IFT25: variants seen among roughly 807,000 people sequenced by gnomAD.
The protein encoded by IFT25 is intraflagellar transport 25, also known as intraflagellar transport protein 25 homolog.
At chr1:53,924,843 C>T in the IFT25 span, among the ~76,000 whole-genome samples, 1 of 152,136 alleles carries the variant, frequency 6.6e-6, no homozygotes, top group Non-Finnish European at 1.5e-5. Flanking sequence ...TCTCAAAAAA[C>T]AACAACAACA....
the IFT25 span, among the ~76,000 whole-genome samples, chr1:53,931,043 A>G: frequency 6.6e-5 from 10 of 152,342 alleles, no homozygotes; most frequent in African/African-American, 1.9e-4. Context: ...CAATACTCCA[A>G]TGAAAATACA....
chr1:53,917,319 C>T, the IFT25 span, among the ~76,000 whole-genome samples: 1 of 152,164 alleles, frequency 6.6e-6, no homozygotes, highest in East Asian at 1.9e-4. Context: ...TATAAAGGCT[C>T]TGCTTAAATA....
the IFT25 span, among the ~76,000 whole-genome samples, chr1:53,912,823 AAC>A: frequency 6.6e-6 from 1 of 152,228 alleles, no homozygotes; most frequent in Admixed American, 6.5e-5. Context: ...GGCTTGCTGC[AAC>A]ACAGATTCTT....
chr1:53,940,810 A>C, the IFT25 span, among the ~76,000 whole-genome samples: 1 of 152,128 alleles, frequency 6.6e-6, no homozygotes, highest in Middle Eastern at 3.4e-3. Context: ...CCAGGGCTCA[A>C]GTGATCCTCC....
the IFT25 span, among the ~76,000 whole-genome samples, chr1:53,944,800 C>T: frequency 6.6e-6 from 1 of 152,138 alleles, no homozygotes; most frequent in African/African-American, 2.4e-5. Flanking sequence ...TCCCTGATGC[C>T]TTATCCTGTC....
chr1:53,942,379 TTC>T, the IFT25 span, among the ~76,000 whole-genome samples: 7 of 152,214 alleles, frequency 4.6e-5, no homozygotes, highest in Non-Finnish European at 8.8e-5. Context: ...AATCAAAATA[TTC>T]TGTGACACAC....
At chr1:53,945,606 C>A in the IFT25 span, 1 of 152,942 alleles carries the variant, frequency 6.5e-6, no homozygotes, top group Non-Finnish European at 1.5e-5. Flanking sequence ...CGAAACCTCC[C>A]TTGCGCCCCG....
the IFT25 span, among the ~76,000 whole-genome samples, chr1:53,912,004 T>A: frequency 6.6e-6 from 1 of 152,100 alleles, no homozygotes; most frequent in Non-Finnish European, 1.5e-5. Flanking sequence ...GGATGCTGAA[T>A]AAAAATTCCC....
At chr1:53,915,747 G>A in the IFT25 span, among the ~76,000 whole-genome samples, 3 of 152,176 alleles carry the variant, frequency 2.0e-5, no homozygotes, top group Non-Finnish European at 4.4e-5. Flanking sequence ...AGTGGCAAGA[G>A]CACTACAGGC....
chr1:53,928,320 A>C, the IFT25 span: 1 of 1,360,644 alleles, frequency 7.3e-7, no homozygotes, highest in African/African-American at 1.4e-5. Flanking sequence ...GCAGAATCAA[A>C]GGAATATTAT....
chr1:53,942,633 T>C, the IFT25 span, among the ~76,000 whole-genome samples: 2,272 of 152,316 alleles, frequency 0.015, 69 homozygotes, highest in African/African-American at 0.051. Flanking sequence ...CAATATAAGG[T>C]AACAGTGTAC....
At chr1:53,911,911 C>T in the IFT25 span, among the ~76,000 whole-genome samples, 211 of 152,208 alleles carry the variant, frequency 1.4e-3, 1 homozygote, top group African/African-American at 4.8e-3. Context: ...GCTATTATTA[C>T]GATTATCATA....
At chr1:53,932,405 T>G in the IFT25 span, among the ~76,000 whole-genome samples, 450 of 152,270 alleles carry the variant, frequency 3.0e-3, 3 homozygotes, top group African/African-American at 0.01. Context: ...TATTTAGAAG[T>G]GCAGTGTTTA....
chr1:53,916,768 T>C, the IFT25 span: 1 of 388,026 alleles, frequency 2.6e-6, no homozygotes, highest in Non-Finnish European at 4.6e-6. Context: ...TCATTATGAA[T>C]GACTACTCAC....
chr1:53,922,537 A>C, the IFT25 span, among the ~76,000 whole-genome samples: 1 of 152,210 alleles, frequency 6.6e-6, no homozygotes, highest in Admixed American at 6.5e-5. Flanking sequence ...GCAATTAGCC[A>C]ATATATTTTA....
At chr1:53,945,211 T>C in the IFT25 span, among the ~76,000 whole-genome samples, 2 of 152,178 alleles carry the variant, frequency 1.3e-5, no homozygotes, top group Non-Finnish European at 1.5e-5. Flanking sequence ...CGACCTTAGG[T>C]ACAATTTATA....
the IFT25 span, among the ~76,000 whole-genome samples, chr1:53,925,433 G>C: frequency 6.6e-6 from 1 of 151,752 alleles, no homozygotes; most frequent in African/African-American, 2.4e-5. Context: ...GGCTGAGGCG[G>C]GCAGATCACA....
At chr1:53,936,180 C>T in the IFT25 span, among the ~76,000 whole-genome samples, 36 of 152,186 alleles carry the variant, frequency 2.4e-4, no homozygotes, top group African/African-American at 8.2e-4. Flanking sequence ...CCCAGCTACT[C>T]GGAAGGCTGA....
the IFT25 span, among the ~76,000 whole-genome samples, chr1:53,930,747 T>C: frequency 6.6e-6 from 1 of 152,122 alleles, no homozygotes; most frequent in Non-Finnish European, 1.5e-5. Context: ...GAGCTCTGAG[T>C]CCAGTTTCTT....
Sources: gnomAD v4.1 joint callset for allele counts (sites outside exome capture counted in the v4.1 genomes callset) on GRCh38, gnomAD v4.1.1 for gene constraint, MANE v1.5 for transcripts, NCBI Gene and HGNC (gene_info 2026-07-23, HGNC 2026-07-21) for gene names.